Variants in RRP1 observed in about 807,000 individuals in gnomAD.
RRP1 encodes ribosomal RNA processing protein 1 homolog A.
A neutral mutation model predicts 54.6 loss-of-function variants in RRP1; 37 were observed. The ratio of observed to expected loss-of-function variants is 0.68; its 90% CI spans 0.52 to 0.89. The LOEUF is 0.89. Ranked by LOEUF, RRP1 falls within the 40% of genes least tolerant of loss-of-function variation. RRP1 has a pLI of 0.00. For synonymous variants in RRP1, 262 were observed against 244.3 expected (o/e 1.07, Z -0.67); for missense variants, 639 against 612.5 (o/e 1.04, Z -0.46).
Position 43,803,865 on chromosome 21 carries a change from C to T in RRP1, c.*91C>T. 1.4e-6 allele frequency: 2 copies of T among 1,418,156 alleles called. No homozygotes were observed. Among genetic ancestry groups the T allele is most frequent in the Non-Finnish European group, 1.9e-6 (2 of 1,070,168 alleles). The allele number at this position is 1,418,156 out of a possible 1,614,324, so 87.8% of individuals were successfully genotyped here. ...ACCGGGCTGTTCTGTAGACTCAGGACCGTGGCTCCAGAACTCCTGTGCCAG... is the reference window on the plus strand; with the variant it reads ...ACCGGGCTGTTCTGTAGACTCAGGATCGTGGCTCCAGAACTCCTGTGCCAG... On this transcript the variant is annotated 3_prime_UTR_variant, in exon 13 of 13. Coordinates refer to ENST00000497547, the MANE Select transcript of RRP1 (RefSeq NM_003683.6).
Position 43,799,557 on chromosome 21 carries a change from C to T in RRP1, c.812-13C>T, listed in dbSNP as rs2085062242. ...GGGCACAGGTAGGGTTCACGGGGTC[C>T]CTTTTGTTCCAGGCTCCATCTGCAG... On this transcript the variant is annotated splice_polypyrimidine_tract_variant and intron_variant, in intron 8 of 12. Transcript: ENST00000497547. 1.9e-6 allele frequency: 3 copies of T among 1,609,210 alleles called. No homozygotes were observed. The highest frequency in any genetic ancestry group is 8.5e-7 in the Non-Finnish European group (1 of 1,179,012).
intron 8 of RRP1, 31 bp downstream of exon 8, chr21:43,798,131 C>T (rs751898078): frequency 2.4e-5 from 37 of 1,561,710 alleles, no homozygotes; most frequent in African/African-American, 2.7e-5. Flanking sequence ...GGCTTCTCCT[C>T]GGGGCCTGTC....
chr21:43,795,274 T>TG (rs1304494133), intron 5 of RRP1, 24 bp downstream of exon 5: 2 of 1,611,880 alleles, frequency 1.2e-6, no homozygotes, highest in African/African-American at 1.3e-5. Flanking sequence ...GGGCCTGCTC[T>TG]GGGGGGACGC....
intron 2 of RRP1, among the ~76,000 whole-genome samples, chr21:43,792,279 T>C (rs2123407308): frequency 6.6e-6 from 1 of 152,332 alleles, no homozygotes; most frequent in Middle Eastern, 3.4e-3. Context: ...CAGTGATCTA[T>C]GGGGTCTCGC....
At chr21:43,797,718 G>A (rs1022993407) in intron 7 of RRP1, 23 bp downstream of exon 7, 7 of 1,611,704 alleles carry the variant, frequency 4.3e-6, no homozygotes, top group East Asian at 2.2e-5. Flanking sequence ...TGGCCTGATC[G>A]GGCCCGACTC....
At chr21:43,793,989 G>A (rs538907090) in intron 4 of RRP1, among the ~76,000 whole-genome samples, 4 of 152,260 alleles carry the variant, frequency 2.6e-5, no homozygotes, top group South Asian at 4.1e-4. Flanking sequence ...TACTAAGGTG[G>A]TGGTCATTGT....
chr21:43,792,131 C>T (rs2084966467), intron 2 of RRP1, among the ~76,000 whole-genome samples: 1 of 152,166 alleles, frequency 6.6e-6, no homozygotes, highest in Non-Finnish European at 1.5e-5. Context: ...TCAAAATCTC[C>T]TGGGTGGTGA....
In RRP1 at chr21:43,799,639, C is replaced by G. The variant is rs563106945; in HGVS notation, c.881C>G (p.Pro294Arg). ...QAGDDRDSGG[P>R]VLQFDYEAVA... is the part of the protein sequence containing the mutation. The stretch of plus-strand genomic sequence containing the variant: ...GGTGACGACAGGGACAGTGGCGGCC[C>G]CGTTCTCCAGGTGGGTTCCCTGGGC... The change falls in exon 9 of 13, where the codon CCC becomes CGC. Residue 294 changes from proline to arginine, a missense_variant. Physicochemically the swap from Pro to Arg is moderately radical, Grantham distance 103 (BLOSUM62 -2). Transcript: ENST00000497547. The G allele has an allele frequency of 8.1e-5, 130 of 1,610,478 alleles. 1 individual carries two copies. In the South Asian group the frequency reaches 1.4e-3, roughly 17 times the overall value.
chr21:43,796,450 G>A (rs745881948), intron 5 of RRP1, among the ~76,000 whole-genome samples: 39 of 152,200 alleles, frequency 2.6e-4, no homozygotes, highest in Non-Finnish European at 4.7e-4. Context: ...TTCAGCACAG[G>A]AATCATGTGG....
intron 3 of RRP1, chr21:43,793,104 T>C: frequency 1.7e-6 from 1 of 575,018 alleles, no homozygotes; most frequent in Non-Finnish European, 3.1e-6. Context: ...GAGAAGTTCT[T>C]ACCCTGCCTG....
Position 43,800,609 on chromosome 21 carries a change from C to G in RRP1, c.984C>G (p.Ile328Met). 6.2e-7 allele frequency: 1 copy of G among 1,614,130 alleles called. No homozygotes were observed. Among genetic ancestry groups the G allele is most frequent in the Non-Finnish European group, 8.5e-7 (1 of 1,179,940 alleles). Residue 328 changes from isoleucine to methionine, a missense_variant, in exon 10 of 13, where the codon ATC becomes ATG. Physicochemically the swap from Ile to Met is conservative, Grantham distance 10. Transcript: ENST00000497547. ...SQNRKRLYKVIRKLQDLAGGI... is the reference protein window; with the variant it reads ...SQNRKRLYKVMRKLQDLAGGI... Reference sequence around the variant, plus strand: ...ACAGAAAGCGTCTCTACAAAGTGATCCGGAAGTGAGTGTGTGAGGGCGCTG... The same window carrying G: ...ACAGAAAGCGTCTCTACAAAGTGATGCGGAAGTGAGTGTGTGAGGGCGCTG...
intron 2 of RRP1, among the ~76,000 whole-genome samples, chr21:43,791,789 C>T (rs559739583): frequency 6.6e-6 from 1 of 152,260 alleles, no homozygotes; most frequent in South Asian, 2.1e-4. Context: ...CAGGCATGAG[C>T]CACCGCGCCC....
chr21:43,791,890 C>T (rs1601865939), intron 2 of RRP1, among the ~76,000 whole-genome samples: 1 of 152,248 alleles, frequency 6.6e-6, no homozygotes, highest in African/African-American at 2.4e-5. Flanking sequence ...TGGGCCTGGG[C>T]CTTTGTTAGG....
chr21:43,794,748 C>G (rs1046732599), intron 4 of RRP1, among the ~76,000 whole-genome samples: 1 of 152,318 alleles, frequency 6.6e-6, no homozygotes, highest in Non-Finnish European at 1.5e-5. Context: ...GAGCTACATT[C>G]TGCCCGTTGC....
chr21:43,799,676 C>T (rs375373820), intron 9 of RRP1, 27 bp downstream of exon 9: 271 of 1,588,936 alleles, frequency 1.7e-4, no homozygotes, highest in Admixed American at 2.1e-4. Context: ...CATGGCTGTG[C>T]CCTCAGCCTT....
chr21:43,800,714 C>G (rs1408600697), intron 10 of RRP1, 100 bp downstream of exon 10: 1 of 1,503,572 alleles, frequency 6.7e-7, no homozygotes, highest in South Asian at 1.1e-5. Context: ...CCTTCCGCAG[C>G]CCCCGGGGTG....
In RRP1 at chr21:43,805,269, T is replaced by C. The variant is rs1346319243; in HGVS notation, c.*1495T>C. On this transcript the variant is annotated 3_prime_UTR_variant, in exon 13 of 13. Coordinates refer to ENST00000497547, the MANE Select transcript of RRP1 (RefSeq NM_003683.6). ...CCAGCCTGGGCAACGAGAGGGAAAC[T>C]CTGTTTCAAAAAAAAAAAAAAAAAG... 1.6e-5 allele frequency: 2 copies of C among 129,006 alleles called. No homozygotes were observed. Among genetic ancestry groups the C allele is most frequent in the Admixed American group, 1.7e-4 (2 of 11,956 alleles). The allele number at this position is 129,006 out of a possible 1,614,324, so 8.0% of individuals were successfully genotyped here.
In RRP1 at chr21:43,802,316, G is replaced by A. The variant is rs559589580; in HGVS notation, c.1052G>A (p.Arg351His). 3.0e-5 allele frequency: 48 copies of A among 1,613,934 alleles called. No individual in the cohort carries two copies. The highest frequency in any genetic ancestry group is 3.7e-5 in the Non-Finnish European group (44 of 1,180,012). The change falls in exon 12 of 13, where the codon CGC becomes CAC. Residue 351 changes from arginine (R) to histidine (H), a missense_variant. Physicochemically the swap from Arg to His is conservative, Grantham distance 29. Coordinates refer to ENST00000497547, the MANE Select transcript of RRP1 (RefSeq NM_003683.6). Reference sequence around the variant, plus strand: ...GAGATCCCAGAGAAGGCCTGCAGGCGCCTGCTTGAAGGGAGGCGGCAGAAG... The same window carrying A: ...GAGATCCCAGAGAAGGCCTGCAGGCACCTGCTTGAAGGGAGGCGGCAGAAG... ...EDEIPEKACR[R>H]LLEGRRQKKT...
At chr21:43,794,815 C>T (rs1468802728) in intron 4 of RRP1, among the ~76,000 whole-genome samples, 7 of 152,212 alleles carry the variant, frequency 4.6e-5, no homozygotes, top group Non-Finnish European at 7.3e-5. Context: ...AGGGCTCCAC[C>T]GCCCGTGGGG....
Sources: gnomAD v4.1 joint callset for allele counts (sites outside exome capture counted in the v4.1 genomes callset) on GRCh38, gnomAD v4.1.1 for gene constraint, MANE v1.5 for transcripts, NCBI Gene and HGNC (gene_info 2026-07-23, HGNC 2026-07-21) for gene names.